The following BMP1 variants were observed in gnomAD, a reference collection of about 807,000 sequenced individuals.
BMP1 encodes the protein mammalian tolloid protein.
Under a neutral mutation model 116.8 loss-of-function variants are expected in BMP1, and 63 were observed. The observed-to-expected ratio is 0.54, with a 90% CI of 0.44 to 0.67. The LOEUF (loss-of-function observed/expected upper bound fraction) is 0.67, where lower values mean the gene tolerates loss of function less well. Among genes scored for constraint, BMP1 ranks in the 30% least tolerant of loss-of-function variants. The pLI is 0.00. For missense variants in BMP1, 1,183 were observed against 1,358.9 expected, an observed-to-expected ratio of 0.87 and a Z score of 2.04; for synonymous variants, 536 against 533.4, an observed-to-expected ratio of 1.00 and a Z score of -0.07.
chr8:22,178,069 GC>G (rs1828505642), intron 6 of BMP1, 112 bp downstream of exon 6: 1 of 880,820 alleles, frequency 1.1e-6, no homozygotes, highest in African/African-American at 1.7e-5. Context: ...GAAAAGAGTG[GC>G]CCTCTGGGGG....
At position 22,194,179 on chromosome 8, in the gene BMP1, T is replaced by G. The variant is rs1829011375; in HGVS notation, c.1297+5T>G. The G allele has an allele frequency of 6.2e-7, 1 of 1,613,218 alleles. No homozygotes were observed. Among genetic ancestry groups the G allele is most frequent in the Non-Finnish European group, 8.5e-7 (1 of 1,179,152 alleles). The stretch of plus-strand genomic sequence containing the variant: ...GCTTCTTTGCAGTCTACGAAGGTAC[T>G]GAGGAAGGCGGCGGGCGGGAGGAGT... On this transcript the variant is annotated splice_donor_5th_base_variant and intron_variant, in intron 10 of 19. Coordinates refer to ENST00000306385, the MANE Select transcript of BMP1 (RefSeq NM_006129.5). The surrounding 1 kb of genome is among the most constrained non-coding windows in gnomAD (Gnocchi z 4.5).
At position 22,177,043 on chromosome 8, in the gene BMP1, G is replaced by A. The variant is rs781498860; in HGVS notation, c.634G>A (p.Val212Ile). 3.7e-6 allele frequency: 6 copies of A among 1,613,002 alleles called. No individual in the cohort carries two copies. The East Asian group carries it at 1.3e-4, about 36-fold the overall frequency. The part of the protein sequence containing the change: ...GKNCDKFGIV[V>I]HELGHVVGFW... ...GAACTGTGACAAGTTCGGCATTGTG[G>A]TCCACGAGCTGGGCCACGTCGTCGG... Residue 212 changes from valine (V) to isoleucine (I), a missense_variant, in exon 5 of 20, where the codon GTC (valine) becomes ATC (isoleucine). Transcript: ENST00000306385.
chr8:22,169,475 G>A (rs770831375), intron 1 of BMP1: 7 of 152,306 alleles, frequency 4.6e-5, no homozygotes, highest in Non-Finnish European at 1.0e-4. Flanking sequence ...GGAAGTGGTT[G>A]AGTGTGTGTT....
Position 22,179,155 on chromosome 8 carries a change from A to T in BMP1, c.837-550A>T, listed in dbSNP as rs113780739. Reference sequence around the variant, plus strand: ...GGGAGGAATGGCCAGGACAGGAGACACTGATAGATTGGGAGCTGGTGGGGC... The same window carrying T: ...GGGAGGAATGGCCAGGACAGGAGACTCTGATAGATTGGGAGCTGGTGGGGC... On this transcript the variant is annotated intron_variant, in intron 6 of 19. Coordinates refer to ENST00000306385, the MANE Select transcript of BMP1 (RefSeq NM_006129.5). The surrounding 1 kb of genome is among the most constrained non-coding windows in gnomAD (Gnocchi z 4.6). Among the ~76,000 whole-genome samples the T allele has an allele frequency of 1.3e-5, 2 of 152,174 alleles. No individual in the cohort carries two copies. The highest frequency in any genetic ancestry group is 4.8e-5 in the African/African-American group (2 of 41,442).
chr8:22,202,027 G>A, intron 16 of BMP1, 99 bp downstream of exon 16: 2 of 1,472,216 alleles, frequency 1.4e-6, no homozygotes, highest in South Asian at 1.4e-5. Flanking sequence ...TAGATTCTGG[G>A]GCCTGTATGA....
At chr8:22,205,569 G>C (rs1372279997) in intron 16 of BMP1, among the ~76,000 whole-genome samples, 1 of 152,080 alleles carries the variant, frequency 6.6e-6, no homozygotes, top group Non-Finnish European at 1.5e-5. Context: ...GAATCCAGGA[G>C]TTTGACATCA....
chr8:22,198,597 C>T (rs113548875), intron 15 of BMP1: 394 of 156,098 alleles, frequency 2.5e-3, no homozygotes, highest in Non-Finnish European at 4.3e-3. Context: ...TCCTCACTCC[C>T]GGCCTGCCTG....
chr8:22,203,793 A>C (rs1322514446), intron 16 of BMP1, among the ~76,000 whole-genome samples: 2 of 152,040 alleles, frequency 1.3e-5, no homozygotes, highest in African/African-American at 4.8e-5. Flanking sequence ...TCCCAAATAC[A>C]CAGTTCCTGA....
At chr8:22,176,843 G>T in intron 4 of BMP1, 118 bp from the exon 5 acceptor site, 1 of 1,005,974 alleles carries the variant, frequency 9.9e-7, no homozygotes, top group East Asian at 2.6e-5. Context: ...TCGGTGCTCA[G>T]GGCCCACCCC....
intron 8 of BMP1, among the ~76,000 whole-genome samples, chr8:22,182,200 A>G (rs1828642011): frequency 6.6e-6 from 1 of 152,196 alleles, no homozygotes; most frequent in African/African-American, 2.4e-5. Context: ...CGACATCTCA[A>G]GATCATTTTG....
chr8:22,206,942 G>A lies in BMP1; in HGVS notation c.2322G>A (p.Thr774=), dbSNP rs138999760. The A allele has an allele frequency of 1.7e-4, 279 of 1,614,184 alleles. No individual in the cohort carries two copies. Among genetic ancestry groups the A allele is most frequent in the Non-Finnish European group, 1.9e-4 (226 of 1,180,020 alleles). ...AGTATCCCAGCAAGAAGGAGTGCAC[G>A]TGGGCCATCTCCAGCACCCCCGGGC... is the stretch of plus-strand genomic sequence containing the variant. ...PDKYPSKKEC[T]WAISSTPGHR... The change falls in exon 17 of 20, where the codon ACG becomes ACA. Residue 774 remains threonine, a synonymous_variant. Transcript: ENST00000306385.
At chr8:22,199,515 G>A (rs1829197122) in intron 15 of BMP1, 1 of 966,312 alleles carries the variant, frequency 1.0e-6, no homozygotes, top group Admixed American at 4.3e-5. Context: ...CCTTCCTCAG[G>A]ACTCACTTTC....
At chr8:22,176,919 C>G in intron 4 of BMP1, 42 bp from the exon 5 acceptor site, 1 of 1,549,960 alleles carries the variant, frequency 6.5e-7, no homozygotes, top group Non-Finnish European at 8.8e-7. Context: ...GATGCACTCC[C>G]CCAGCTCGGG....
intron 4 of BMP1, 104 bp downstream of exon 4, chr8:22,176,754 T>C: frequency 1.5e-6 from 2 of 1,295,450 alleles, no homozygotes; most frequent in Non-Finnish European, 2.2e-6. Flanking sequence ...TTGGGTCCCT[T>C]TATCCCCTCC....
intron 18 of BMP1, 75 bp downstream of exon 18, chr8:22,207,591 G>C (rs906639621): frequency 6.6e-7 from 1 of 1,517,086 alleles, no homozygotes; most frequent in Non-Finnish European, 9.0e-7. Flanking sequence ...GTTTCAATGC[G>C]GGTATGAAGG....
At chr8:22,193,485 T>TA (rs1828991974) in intron 9 of BMP1, among the ~76,000 whole-genome samples, 1 of 152,192 alleles carries the variant, frequency 6.6e-6, no homozygotes, top group Non-Finnish European at 1.5e-5. Flanking sequence ...TAGTTGGACA[T>TA]TATAAAGATC....
intron 8 of BMP1, among the ~76,000 whole-genome samples, chr8:22,188,127 G>A (rs1828828802): frequency 6.6e-6 from 1 of 150,556 alleles, no homozygotes; most frequent in African/African-American, 2.4e-5. Context: ...ATATCTCATT[G>A]AATCCTCCCA....
At position 22,194,627 on chromosome 8, in the gene BMP1, A is replaced by G. The variant is rs2131883326; in HGVS notation, c.1443+37A>G. The stretch of plus-strand genomic sequence containing the variant: ...GCCCTGTGATCTGACCTTTGAATCC[A>G]GCAGTTGCTCCCTGGGACAGCTGCC... On this transcript the variant is annotated intron_variant, in intron 11 of 19. Transcript: ENST00000306385. The surrounding 1 kb of genome is among the most constrained non-coding windows in gnomAD (Gnocchi z 4.5). 2 of 1,609,980 alleles carry G rather than the reference A, an allele frequency of 1.2e-6. No homozygotes were observed. The highest frequency in any genetic ancestry group is 2.7e-5 in the African/African-American group (2 of 74,938).
chr8:22,210,957 C>T (rs1297249674), intron 19 of BMP1, among the ~76,000 whole-genome samples: 9 of 152,228 alleles, frequency 5.9e-5, no homozygotes, highest in African/African-American at 1.7e-4. Flanking sequence ...AGGGCGTTGA[C>T]GTCCGATGCT....
Sources: gnomAD v4.1 joint callset for allele counts (sites outside exome capture counted in the v4.1 genomes callset) on GRCh38, gnomAD v4.1.1 for gene constraint, Gnocchi (gnomAD v3.1) non-coding constraint, MANE v1.5 for transcripts, NCBI Gene and HGNC (gene_info 2026-07-23, HGNC 2026-07-21) for gene names.